Variants in GNG12 observed in about 807,000 individuals in gnomAD.
GNG12 encodes the protein guanine nucleotide-binding protein G(I)/G(S)/G(O) subunit gamma-12.
For missense variants in GNG12, 69 were observed against 83.8 expected (o/e 0.82, Z 0.69); for synonymous variants, 28 against 29.7 (o/e 0.94, Z 0.19).
intron 2 of GNG12, among the ~76,000 whole-genome samples, chr1:67,727,451 T>C (rs570993635): frequency 7.2e-5 from 11 of 152,232 alleles, no homozygotes; most frequent in Non-Finnish European, 1.2e-4. Flanking sequence ...TTGATTTTGG[T>C]AGATTGAATA....
chr1:67,786,249 T>C (rs929651053), intron 1 of GNG12, among the ~76,000 whole-genome samples: 3 of 152,216 alleles, frequency 2.0e-5, no homozygotes, highest in African/African-American at 7.2e-5. Context: ...TACCCCAGCC[T>C]ATACAATACT....
chr1:67,802,101 T>C (rs1178398917), intron 1 of GNG12, among the ~76,000 whole-genome samples: 1 of 151,780 alleles, frequency 6.6e-6, no homozygotes, highest in Non-Finnish European at 1.5e-5. Context: ...GACCAGAGAA[T>C]GAGAAAAAGG....
intron 2 of GNG12, among the ~76,000 whole-genome samples, chr1:67,725,834 A>C (rs1646381738): frequency 6.6e-6 from 1 of 152,250 alleles, no homozygotes; most frequent in South Asian, 2.1e-4. Flanking sequence ...AAAATTTCTC[A>C]GAAATATTAT....
At chr1:67,832,270 A>G (rs2100836803) in intron 1 of GNG12, 1 of 152,114 alleles carries the variant, frequency 6.6e-6, no homozygotes, top group African/African-American at 2.4e-5. Context: ...CCTCCCTTCT[A>G]CCTCTGGTGT....
intron 1 of GNG12, among the ~76,000 whole-genome samples, chr1:67,814,337 T>C (rs893993701): frequency 6.6e-6 from 1 of 152,222 alleles, no homozygotes; most frequent in African/African-American, 2.4e-5. Context: ...TCTGAACTTC[T>C]TCCGCATTGT....
intron 1 of GNG12, among the ~76,000 whole-genome samples, chr1:67,804,999 AG>A (rs1646886932): frequency 6.6e-6 from 1 of 152,228 alleles, no homozygotes; most frequent in South Asian, 2.1e-4. Context: ...CTGCCCTCAG[AG>A]GAAACTATTT....
intron 2 of GNG12, among the ~76,000 whole-genome samples, chr1:67,769,511 G>A (rs557529319): frequency 6.6e-6 from 1 of 152,162 alleles, no homozygotes; most frequent in East Asian, 1.9e-4. Context: ...TGATCAAAAT[G>A]CTTCCATGAA....
intron 2 of GNG12, among the ~76,000 whole-genome samples, chr1:67,727,763 G>A (rs780240342): frequency 2.6e-5 from 4 of 152,154 alleles, no homozygotes; most frequent in Admixed American, 6.5e-5. Flanking sequence ...TTTACAAGGC[G>A]CTTTCTCATA....
intron 2 of GNG12, among the ~76,000 whole-genome samples, chr1:67,737,462 C>T (rs897442171): frequency 6.6e-6 from 1 of 152,110 alleles, no homozygotes; most frequent in Non-Finnish European, 1.5e-5. Context: ...GTCAAGAAAC[C>T]GAGGGTCTAT....
At chr1:67,763,325 A>G (rs915120470) in intron 2 of GNG12, among the ~76,000 whole-genome samples, 2 of 152,142 alleles carry the variant, frequency 1.3e-5, no homozygotes, top group African/African-American at 2.4e-5. Context: ...AAAATTATAC[A>G]TTATGTTCAA....
At chr1:67,714,975 T>C (rs1465836451) in intron 2 of GNG12, among the ~76,000 whole-genome samples, 1 of 152,156 alleles carries the variant, frequency 6.6e-6, no homozygotes, top group South Asian at 2.1e-4. Context: ...CAGGCTGGAG[T>C]GCAGTGGCGC....
intron 1 of GNG12, among the ~76,000 whole-genome samples, chr1:67,787,500 CTG>C (rs1022467132): frequency 1.2e-4 from 19 of 152,300 alleles, no homozygotes; most frequent in African/African-American, 4.1e-4. Context: ...AAGGAGGTAA[CTG>C]TAGTGAAAAC....
At chr1:67,814,938 G>C (rs1470294904) in intron 1 of GNG12, among the ~76,000 whole-genome samples, 15 of 152,154 alleles carry the variant, frequency 9.9e-5, no homozygotes, top group Admixed American at 9.8e-4. Context: ...ACACAACAAA[G>C]TTACTTCCCA....
chr1:67,795,992 T>C (rs774305743), intron 1 of GNG12, among the ~76,000 whole-genome samples: 81 of 152,382 alleles, frequency 5.3e-4, no homozygotes, highest in Non-Finnish European at 1.0e-3. Context: ...AATTTAATAA[T>C]TGAAAACTGG....
chr1:67,795,218 G>C (rs1276304), intron 1 of GNG12, among the ~76,000 whole-genome samples: 109,968 of 152,042 alleles, frequency 0.72, 39,887 homozygotes, highest in Middle Eastern at 0.79. Flanking sequence ...CAATTTTGAC[G>C]GTTCCCAACC....
chr1:67,818,086 CAATA>C (rs1339935250), intron 1 of GNG12, among the ~76,000 whole-genome samples: 2 of 151,980 alleles, frequency 1.3e-5, no homozygotes, highest in Non-Finnish European at 2.9e-5. Flanking sequence ...TGCACCTGGT[CAATA>C]AATGTTTTCT....
chr1:67,786,959 G>A (rs1367808120), intron 1 of GNG12, among the ~76,000 whole-genome samples: 37 of 147,356 alleles, frequency 2.5e-4, no homozygotes, highest in South Asian at 1.5e-3. Context: ...GTGTGTGTGT[G>A]TGTGTGTGTG....
chr1:67,704,792 T>C lies in GNG12; in HGVS notation c.*659A>G, dbSNP rs966849523. 2.0e-5 allele frequency: 3 copies of C among 152,640 alleles called. No individual in the cohort carries two copies. The highest frequency in any genetic ancestry group is 4.4e-5 in the Non-Finnish European group (3 of 68,062). 9.5% of individuals were successfully genotyped at this position (152,640 alleles called of 1,614,324 possible). A position where few individuals can be genotyped will look rare whatever the true frequency, so the allele number is the denominator to read the frequency against. ...TTTCAAGAGAGGAGAGATGATTGCATTACTTGATTACAATGAATACAATCT... is the reference window on the plus strand; with the variant it reads ...TTTCAAGAGAGGAGAGATGATTGCACTACTTGATTACAATGAATACAATCT... On this transcript the variant is annotated 3_prime_UTR_variant, in exon 4 of 4. Coordinates refer to ENST00000370982, the MANE Select transcript of GNG12 (RefSeq NM_018841.6).
intron 1 of GNG12, among the ~76,000 whole-genome samples, chr1:67,811,434 A>G (rs1304938265): frequency 6.6e-6 from 1 of 152,166 alleles, no homozygotes; most frequent in Non-Finnish European, 1.5e-5. Flanking sequence ...CGATTCAACC[A>G]TAATTACAAG....
Sources: allele counts gnomAD v4.1 joint callset (sites outside exome capture counted in the v4.1 genomes callset), GRCh38; gene constraint gnomAD v4.1.1; transcripts MANE v1.5; gene names NCBI Gene and HGNC (gene_info 2026-07-23, HGNC 2026-07-21).